CDH13: variants seen among roughly 807,000 people sequenced by gnomAD.
CDH13 encodes the protein cadherin 13, also known as cadherin-13.
A neutral mutation model predicts 63.8 loss-of-function variants in CDH13; 24 were observed. The observed-to-expected ratio is 0.38, with a 90% CI of 0.27 to 0.53. CDH13 has a LOEUF of 0.53. Ranked by LOEUF, CDH13 falls within the 20% of genes least tolerant of loss-of-function variation. CDH13 has a pLI of 0.85. For missense variants in CDH13, 1,049 were observed against 903.1 expected (o/e 1.16, Z -2.07); for synonymous variants, 503 against 355.3 (o/e 1.42, Z -4.67).
In CDH13 at chr16:83,136,634, C is replaced by T. The variant is rs73604223; in HGVS notation, c.483+11133C>T. ...CAGGGGAGAAACTGGGCTCTCATAGCTGTTCCTTCTCTGCCGGACAGCTTC... is the reference window on the plus strand; with the variant it reads ...CAGGGGAGAAACTGGGCTCTCATAGTTGTTCCTTCTCTGCCGGACAGCTTC... On this transcript the variant is annotated intron_variant, in intron 4 of 13. Transcript: ENST00000567109. Among the ~76,000 whole-genome samples the T allele has an allele frequency of 2.5e-3, 379 of 152,308 alleles. 3 individuals carry two copies. Among genetic ancestry groups the T allele is most frequent in the African/African-American group, 8.9e-3 (368 of 41,564 alleles).
chr16:82,775,389 G>A (rs1297732294), intron 1 of CDH13, among the ~76,000 whole-genome samples: 1 of 152,200 alleles, frequency 6.6e-6, no homozygotes, highest in Non-Finnish European at 1.5e-5. Flanking sequence ...TGAGCATGGG[G>A]AAGTTATTTA....
chr16:83,118,560 C>T (rs1216280961), intron 3 of CDH13, among the ~76,000 whole-genome samples: 1 of 152,220 alleles, frequency 6.6e-6, no homozygotes, highest in African/African-American at 2.4e-5. Flanking sequence ...CCGAATTACT[C>T]ACTCCTGATA....
In CDH13 at chr16:83,503,402, A is replaced by G. The variant is rs529764832; in HGVS notation, c.960+16747A>G. On this transcript the variant is annotated intron_variant, in intron 7 of 13. Coordinates refer to ENST00000567109, the MANE Select transcript of CDH13 (RefSeq NM_001257.5). The stretch of plus-strand genomic sequence containing the variant: ...ATGGGGTGGGATAACAACACGCCAC[A>G]TCTACCTGGGTGGAGCCCATCTCAG... Among the ~76,000 whole-genome samples the G allele has an allele frequency of 6.6e-5, 10 of 152,356 alleles. No homozygotes were observed. The South Asian group carries it at 8.3e-4, about 13-fold the overall frequency.
At chr16:82,694,934 G>A (rs1227379378) in intron 1 of CDH13, among the ~76,000 whole-genome samples, 1 of 152,180 alleles carries the variant, frequency 6.6e-6, no homozygotes, top group Non-Finnish European at 1.5e-5. Flanking sequence ...AAGGAGGGAA[G>A]CCTTCTCTGA....
At chr16:83,126,598 T>C (rs1208296164) in intron 4 of CDH13, among the ~76,000 whole-genome samples, 1 of 152,078 alleles carries the variant, frequency 6.6e-6, no homozygotes, top group African/African-American at 2.4e-5. Context: ...GGAGAAGTTG[T>C]TTATAGAGCA....
intron 6 of CDH13, among the ~76,000 whole-genome samples, chr16:83,398,645 G>A (rs1399994199): frequency 6.6e-6 from 1 of 151,422 alleles, no homozygotes; most frequent in Non-Finnish European, 1.5e-5. Context: ...GGAATATGGG[G>A]CCTGAGATTA....
chr16:83,672,045 T>C (rs1031590820), intron 9 of CDH13, among the ~76,000 whole-genome samples: 2 of 152,200 alleles, frequency 1.3e-5, no homozygotes, highest in African/African-American at 2.4e-5. Flanking sequence ...AGGGATCAAT[T>C]GTATTTATAG....
At chr16:83,305,701 A>T (rs767193207) in intron 5 of CDH13, among the ~76,000 whole-genome samples, 1 of 152,150 alleles carries the variant, frequency 6.6e-6, no homozygotes, top group African/African-American at 2.4e-5. Context: ...TAGCCATGTG[A>T]TCCCGGGGGC....
intron 6 of CDH13, among the ~76,000 whole-genome samples, chr16:83,406,811 C>T (rs1567651022): frequency 1.3e-5 from 2 of 152,166 alleles, no homozygotes; most frequent in African/African-American, 4.8e-5. Context: ...AGCCAGTCTT[C>T]TAAAACTGAA....
At position 83,094,423 on chromosome 16, in the gene CDH13, A is replaced by T. The variant is rs549616728; in HGVS notation, c.367-30962A>T. ...GGGCTGTGGTACGCTTACAACAGAG[A>T]TCTCAACTGACCCTGCAGAGAGCTT... On this transcript the variant is annotated intron_variant, in intron 3 of 13. Coordinates refer to ENST00000567109, the MANE Select transcript of CDH13 (RefSeq NM_001257.5). Among the ~76,000 whole-genome samples, 5 of 152,290 alleles carry T rather than the reference A, an allele frequency of 3.3e-5. No individual in the cohort carries two copies. The South Asian group carries it at 1.0e-3, about 32-fold the overall frequency.
chr16:83,490,046 C>CAG (rs58411349), intron 7 of CDH13, among the ~76,000 whole-genome samples: 11 of 147,488 alleles, frequency 7.5e-5, no homozygotes, highest in African/African-American at 2.8e-4. Context: ...CACACACACA[C>CAG]ACAGCTCACC....
chr16:83,443,074 A>G (rs755640650), intron 6 of CDH13, among the ~76,000 whole-genome samples: 1 of 152,260 alleles, frequency 6.6e-6, no homozygotes, highest in Non-Finnish European at 1.5e-5. Flanking sequence ...CTCAATCTGC[A>G]TATTTCATCT....
At chr16:82,672,834 A>T (rs1360999579) in intron 1 of CDH13, among the ~76,000 whole-genome samples, 9 of 151,540 alleles carry the variant, frequency 5.9e-5, no homozygotes, top group Admixed American at 5.9e-4. Flanking sequence ...ATATATTTGG[A>T]GACAGAGCCT....
intron 2 of CDH13, among the ~76,000 whole-genome samples, chr16:82,875,243 G>A (rs996433979): frequency 6.6e-6 from 1 of 152,178 alleles, no homozygotes; most frequent in African/African-American, 2.4e-5. Context: ...GTTTTGATCA[G>A]GACATTTTAG....
chr16:83,217,351 G>T lies in CDH13; in HGVS notation c.490G>T (p.Asp164Tyr), dbSNP rs758971284. ...PFPRDVGKVV[D>Y]SDRPERSKFR... ...TCTCTGTTTTTCTGACTAGGTAGTC[G>T]ATAGTGACAGGCCAGAAAGGTCCAA... Residue 164 changes from aspartate to tyrosine, a missense_variant, in exon 5 of 14, where the codon GAT (aspartate) becomes TAT (tyrosine). Coordinates refer to ENST00000567109, the MANE Select transcript of CDH13 (RefSeq NM_001257.5). 1 of 1,613,748 alleles carries T rather than the reference G, an allele frequency of 6.2e-7. No individual in the cohort carries two copies. The highest frequency in any genetic ancestry group is 1.3e-5 in the African/African-American group (1 of 74,926).
chr16:83,120,540 C>T (rs1455123997), intron 3 of CDH13, among the ~76,000 whole-genome samples: 1 of 152,200 alleles, frequency 6.6e-6, no homozygotes, highest in Non-Finnish European at 1.5e-5. Flanking sequence ...GAAGCCCATT[C>T]ACCAGTCCTT....
intron 1 of CDH13, among the ~76,000 whole-genome samples, chr16:82,761,308 A>G (rs2034847438): frequency 1.3e-5 from 2 of 152,016 alleles, no homozygotes; most frequent in Admixed American, 6.6e-5. Context: ...GTGAGCCGCC[A>G]TGCCCGGCAC....
chr16:83,384,258 G>C (rs2091628273), intron 6 of CDH13, among the ~76,000 whole-genome samples: 1 of 152,110 alleles, frequency 6.6e-6, no homozygotes, highest in Non-Finnish European at 1.5e-5. Context: ...GAAATCACAT[G>C]ATGTAACCAG....
chr16:82,751,541 T>A (rs998681027), intron 1 of CDH13, among the ~76,000 whole-genome samples: 7 of 152,102 alleles, frequency 4.6e-5, no homozygotes. Context: ...GGGAGGTTTT[T>A]GTCAGGTGCA....
Sources: allele counts gnomAD v4.1 joint callset (sites outside exome capture counted in the v4.1 genomes callset), GRCh38; gene constraint gnomAD v4.1.1; transcripts MANE v1.5; gene names NCBI Gene and HGNC (gene_info 2026-07-23, HGNC 2026-07-21).